Variants in KIF13B observed in about 807,000 individuals in gnomAD.
KIF13B encodes kinesin-like protein KIF13B.
A neutral mutation model predicts 222.0 loss-of-function variants in KIF13B; 127 were observed. The ratio of observed to expected loss-of-function variants is 0.57; its 90% CI spans 0.50 to 0.66. KIF13B has a LOEUF of 0.66. Among genes scored for constraint, KIF13B ranks in the 30% least tolerant of loss-of-function variants. The pLI is 0.00. For synonymous variants in KIF13B, 976 were observed against 919.0 expected (o/e 1.06, Z -1.12); for missense variants, 2,173 against 2,379.0 (o/e 0.91, Z 1.80).
At position 29,113,532 on chromosome 8, in the gene KIF13B, T is replaced by G; in HGVS notation, c.3861A>C (p.Lys1287Asn). The G allele has an allele frequency of 1.9e-6, 3 of 1,587,658 alleles. No individual in the cohort carries two copies. In the South Asian group the frequency reaches 3.4e-5, roughly 18 times the overall value. The stretch of plus-strand genomic sequence containing the variant: ...GAATAGAACTTCGATGAGACATCTT[T>G]TTTAGGAGACTCTGTGCAAAACCCT... ...GRQGFAQSLL[K>N]KMSHRSSIPG... Residue 1287 changes from lysine to asparagine, a missense_variant, in exon 32 of 40, where the codon AAA becomes AAC. Lys to Asn is a moderately conservative substitution (Grantham distance 94, BLOSUM62 0). Transcript: ENST00000524189.
chr8:29,123,557 G>A (rs1488580340), intron 27 of KIF13B, 65 bp from the exon 28 acceptor site: 2 of 1,589,710 alleles, frequency 1.3e-6, no homozygotes, highest in Admixed American at 1.7e-5. Flanking sequence ...TTTGTCCTGA[G>A]TAAAGACTGG....
intron 30 of KIF13B, among the ~76,000 whole-genome samples, chr8:29,117,829 T>C (rs1444053330): frequency 6.6e-6 from 1 of 152,210 alleles, no homozygotes; most frequent in Non-Finnish European, 1.5e-5. Context: ...AAAATCAAGA[T>C]GTCACCACAC....
chr8:29,200,485 T>C (rs57340630), intron 2 of KIF13B, among the ~76,000 whole-genome samples: 7,164 of 152,238 alleles, frequency 0.047, 357 homozygotes, highest in African/African-American at 0.12. Flanking sequence ...TTGAAATACT[T>C]TCAGGCTTAC....
chr8:29,079,614 G>A (rs1042531044), intron 37 of KIF13B, among the ~76,000 whole-genome samples: 6 of 152,340 alleles, frequency 3.9e-5, no homozygotes, highest in Admixed American at 3.3e-4. Flanking sequence ...GGGCATCGGG[G>A]AGGTAAAGGG....
At chr8:29,161,785 T>C (rs1811793631) in intron 12 of KIF13B, among the ~76,000 whole-genome samples, 2 of 151,902 alleles carry the variant, frequency 1.3e-5, no homozygotes, top group South Asian at 4.2e-4. Flanking sequence ...TATACCTCTT[T>C]TTTCTATCTG....
At chr8:29,156,689 T>A (rs912643064) in intron 13 of KIF13B, among the ~76,000 whole-genome samples, 21 of 150,982 alleles carry the variant, frequency 1.4e-4, no homozygotes, top group African/African-American at 3.9e-4. Flanking sequence ...ATTTTTTTTT[T>A]TTTTTTTTTT....
chr8:29,139,404 A>G (rs770917687), intron 21 of KIF13B, among the ~76,000 whole-genome samples: 15 of 152,192 alleles, frequency 9.9e-5, no homozygotes, highest in Non-Finnish European at 2.1e-4. Context: ...CGATCATCAC[A>G]TGACTCAAAG....
chr8:29,239,577 T>C lies in KIF13B; in HGVS notation c.149+5769A>G, dbSNP rs189720960. Among the ~76,000 whole-genome samples the C allele has an allele frequency of 1.7e-3, 254 of 152,252 alleles. 3 individuals are homozygous for C. Among genetic ancestry groups the C allele is most frequent in the African/African-American group, 5.9e-3 (245 of 41,546 alleles). On this transcript the variant is annotated intron_variant, in intron 2 of 39. Transcript: ENST00000524189. The stretch of plus-strand genomic sequence containing the variant: ...GAGGCAAGAGCTGAAGAACTCCCAG[T>C]GGGTACTATGTTCACTGTCTGGATG...
intron 19 of KIF13B, 52 bp downstream of exon 19, chr8:29,142,105 C>T (rs2129940924): frequency 1.3e-6 from 2 of 1,501,128 alleles, no homozygotes; most frequent in South Asian, 2.3e-5. Context: ...CTCATTCCAG[C>T]TTGGCTCCTT....
At chr8:29,177,699 C>G (rs1812539992) in intron 8 of KIF13B, 121 bp from the exon 9 acceptor site, 35 of 702,330 alleles carry the variant, frequency 5.0e-5, no homozygotes, top group Non-Finnish European at 7.8e-5. Flanking sequence ...CCCAGGATTT[C>G]AAAAACAGCC....
chr8:29,229,218 T>G (rs1368172335), intron 2 of KIF13B, among the ~76,000 whole-genome samples: 1 of 152,068 alleles, frequency 6.6e-6, no homozygotes, highest in East Asian at 1.9e-4. Context: ...TAATCTGAAT[T>G]AACCAGTTAC....
In KIF13B at chr8:29,140,100, A is replaced by C; in HGVS notation, c.2576T>G (p.Phe859Cys). Reference sequence around the variant, plus strand: ...TTTGTTCTCCTGGGTCTCCTTCTCAAAGGAGACCTCTGCCACCTCATCGCC... The same window carrying C: ...TTTGTTCTCCTGGGTCTCCTTCTCACAGGAGACCTCTGCCACCTCATCGCC... Reference protein sequence around the residue: ...AGGDEVAEVSFEKETQENKLV... With the variant: ...AGGDEVAEVSCEKETQENKLV... The change falls in exon 21 of 40, where the codon TTT (phenylalanine) becomes TGT (cysteine). Residue 859 changes from phenylalanine (F) to cysteine (C), a missense_variant. This residue lies in a region of KIF13B where 1,480 missense variants were observed against 1,722.8 expected (regional missense o/e 0.86). Transcript: ENST00000524189. 2 of 1,608,524 alleles carry C rather than the reference A, an allele frequency of 1.2e-6. No homozygotes were observed. The highest frequency in any genetic ancestry group is 1.7e-6 in the Non-Finnish European group (2 of 1,177,560).
intron 5 of KIF13B, among the ~76,000 whole-genome samples, chr8:29,186,708 C>T (rs1812945274): frequency 6.6e-6 from 1 of 151,898 alleles, no homozygotes; most frequent in African/African-American, 2.4e-5. Context: ...CTGTAATTCC[C>T]AGCACTTTGG....
chr8:29,151,469 C>T (rs1811294690), intron 14 of KIF13B, among the ~76,000 whole-genome samples: 1 of 152,194 alleles, frequency 6.6e-6, no homozygotes, highest in African/African-American at 2.4e-5. Flanking sequence ...TGCCTGGCTT[C>T]AAAGCTTCAA....
intron 2 of KIF13B, among the ~76,000 whole-genome samples, chr8:29,235,378 T>C (rs888662801): frequency 6.6e-6 from 1 of 151,460 alleles, no homozygotes; most frequent in Non-Finnish European, 1.5e-5. Flanking sequence ...CTCCACAGAG[T>C]GGGGTGGAAG....
At chr8:29,133,160 A>G (rs549451972) in intron 22 of KIF13B, among the ~76,000 whole-genome samples, 1 of 152,358 alleles carries the variant, frequency 6.6e-6, no homozygotes, top group East Asian at 1.9e-4. Context: ...GGAGCAAGAA[A>G]GACTTGGGGA....
intron 7 of KIF13B, 59 bp from the exon 8 acceptor site, chr8:29,180,297 C>A: frequency 6.5e-7 from 1 of 1,530,666 alleles, no homozygotes; most frequent in Non-Finnish European, 9.0e-7. Flanking sequence ...ACACTAAAAT[C>A]CTGCTATACT....
intron 1 of KIF13B, among the ~76,000 whole-genome samples, chr8:29,255,946 A>G (rs1816460185): frequency 6.6e-6 from 1 of 152,130 alleles, no homozygotes; most frequent in Admixed American, 6.5e-5. Flanking sequence ...CCTCTGTCAC[A>G]GACACACCTG....
intron 2 of KIF13B, among the ~76,000 whole-genome samples, chr8:29,238,238 A>G (rs1815599665): frequency 6.6e-6 from 1 of 152,246 alleles, no homozygotes; most frequent in African/African-American, 2.4e-5. Context: ...CTAACAAGGA[A>G]TTAGTCTGAA....
Sources: gnomAD v4.1 joint callset for allele counts (sites outside exome capture counted in the v4.1 genomes callset) on GRCh38, gnomAD v4.1.1 for gene constraint, gnomAD v4.1.1 regional missense constraint, MANE v1.5 for transcripts, NCBI Gene and HGNC (gene_info 2026-07-23, HGNC 2026-07-21) for gene names.